Variants in ADD3 observed in about 807,000 individuals in gnomAD.
ADD3 encodes adducin 3, also known as gamma-adducin.
In ADD3, 25 loss-of-function variants were observed where a neutral mutation model predicts 80.2. The ratio of observed to expected loss-of-function variants is 0.31; its 90% CI spans 0.23 to 0.44. The LOEUF (loss-of-function observed/expected upper bound fraction) is 0.44, where lower values mean the gene tolerates loss of function less well. ADD3 is among the 20% of genes least tolerant of loss of function. ADD3 has a pLI of 1.00. For missense variants in ADD3, 829 were observed against 847.5 expected, an observed-to-expected ratio of 0.98 and a Z score of 0.27; for synonymous variants, 284 against 289.6, an observed-to-expected ratio of 0.98 and a Z score of 0.20.
At chr10:110,111,763 A>G (rs1266956415) in intron 2 of ADD3, among the ~76,000 whole-genome samples, 6 of 152,024 alleles carry the variant, frequency 3.9e-5, no homozygotes, top group Non-Finnish European at 8.8e-5. Flanking sequence ...TAAAAATACA[A>G]AATTAGCCGG....
At position 110,116,113 on chromosome 10, in the gene ADD3, TAATAA is replaced by T. The variant is rs1384880668; in HGVS notation, c.335-141_335-137del. On this transcript the variant is annotated intron_variant, in intron 3 of 14. Transcript: ENST00000356080. ...TTTACCTCTCTGAAGGAGAATAAGC[TAATAA>T]AATATTATATGGGCTGATAAATTTC... 4 of 706,448 alleles carry T rather than the reference TAATAA, an allele frequency of 5.7e-6. No homozygotes were observed. The Admixed American group carries it at 9.1e-5, about 16-fold the overall frequency. 43.8% of individuals were successfully genotyped at this position (706,448 alleles called of 1,614,324 possible). A position where few individuals can be genotyped will look rare whatever the true frequency, so the allele number is the denominator to read the frequency against.
At chr10:110,042,687 G>GT (rs35414440) in intron 1 of ADD3, among the ~76,000 whole-genome samples, 118,242 of 140,594 alleles carry the variant, frequency 0.84, 53,056 homozygotes, top group Non-Finnish European at 0.99. Context: ...GTCTGGTGCT[G>GT]TTTTTTTTTT....
At chr10:110,031,356 T>G (rs1420282418) in intron 1 of ADD3, among the ~76,000 whole-genome samples, 1 of 152,212 alleles carries the variant, frequency 6.6e-6, no homozygotes, top group Non-Finnish European at 1.5e-5. Context: ...CTAGGTACTT[T>G]AGGTAAAATC....
chr10:110,129,130 TTTTC>T (rs953301699), intron 12 of ADD3, among the ~76,000 whole-genome samples: 47 of 151,664 alleles, frequency 3.1e-4, no homozygotes, highest in East Asian at 7.8e-4. Flanking sequence ...CCTAGTTAGT[TTTTC>T]TTTCTTTCTT....
upstream of ADD3, among the ~76,000 whole-genome samples, chr10:110,007,235 G>C (rs536232852): frequency 4.0e-5 from 6 of 151,892 alleles, no homozygotes; most frequent in South Asian, 1.3e-3. Flanking sequence ...GAGCCAAAGC[G>C]GGAGTGAAGA....
chr10:110,079,590 C>T (rs951082546), intron 1 of ADD3, among the ~76,000 whole-genome samples: 2 of 151,434 alleles, frequency 1.3e-5, no homozygotes, highest in Non-Finnish European at 2.9e-5. Flanking sequence ...GAGTCTTACT[C>T]TGTCACCTAG....
At chr10:110,033,264 A>C (rs1279161675) in intron 1 of ADD3, among the ~76,000 whole-genome samples, 1 of 152,226 alleles carries the variant, frequency 6.6e-6, no homozygotes, top group Non-Finnish European at 1.5e-5. Flanking sequence ...TGCTATAACT[A>C]CCAGATGGCA....
chr10:110,119,619 G>T, intron 8 of ADD3, 55 bp downstream of exon 8: 2 of 1,475,240 alleles, frequency 1.4e-6, no homozygotes, highest in South Asian at 1.2e-5. Flanking sequence ...CGTTTAGTTG[G>T]ATTTTGTGTA....
Position 110,133,582 on chromosome 10 carries a change from G to A in ADD3, c.2085G>A (p.Leu695=), listed in dbSNP as rs1422699428. 6.3e-7 allele frequency: 1 copy of A among 1,589,556 alleles called. No homozygotes were observed. The highest frequency in any genetic ancestry group is 1.4e-5 in the African/African-American group (1 of 73,404). Residue 695 remains leucine (L), a synonymous_variant, in exon 15 of 15, where the codon CTG becomes CTA. Coordinates refer to ENST00000356080, the MANE Select transcript of ADD3 (RefSeq NM_016824.5). ...AGAAATTCCGCACTCCTTCTTTTCT[G>A]AAAAAGAACAAAAAAAAGGAGAAAG... The part of the protein sequence containing the change: ...KKKKFRTPSF[L]KKNKKKEKVE...
chr10:110,012,825 C>A (rs1852487439), intron 1 of ADD3, among the ~76,000 whole-genome samples: 1 of 151,858 alleles, frequency 6.6e-6, no homozygotes, highest in Non-Finnish European at 1.5e-5. Context: ...TCTCGAACTC[C>A]TGGGCTCAAG....
At chr10:110,112,189 C>T (rs560533994) in intron 2 of ADD3, 55 of 152,458 alleles carry the variant, frequency 3.6e-4, no homozygotes, top group Non-Finnish European at 6.3e-4. Flanking sequence ...GGCATGATCT[C>T]GGCTCACCAC....
At chr10:110,036,327 A>G (rs951270776) in intron 1 of ADD3, among the ~76,000 whole-genome samples, 20 of 151,418 alleles carry the variant, frequency 1.3e-4, no homozygotes, top group African/African-American at 4.6e-4. Context: ...TACCTTCTCC[A>G]AGTTATATTT....
chr10:110,115,080 T>TAAA (rs752916695), intron 3 of ADD3, among the ~76,000 whole-genome samples: 3 of 84,928 alleles, frequency 3.5e-5, no homozygotes, highest in African/African-American at 8.0e-5. Flanking sequence ...CCCCTGCCTC[T>TAAA]AAAAAAAAAA....
At chr10:110,058,067 T>C (rs1013088085) in intron 1 of ADD3, among the ~76,000 whole-genome samples, 1 of 152,064 alleles carries the variant, frequency 6.6e-6, no homozygotes, top group Admixed American at 6.5e-5. Context: ...TACCATGAAA[T>C]ATTTCTTTGA....
intron 2 of ADD3, among the ~76,000 whole-genome samples, chr10:110,107,658 A>G (rs1302145500): frequency 6.6e-6 from 1 of 152,124 alleles, no homozygotes; most frequent in African/African-American, 2.4e-5. Context: ...CTTACTAGCT[A>G]TGTGACATTA....
At chr10:110,006,884 GT>G (rs1051109149), upstream of ADD3, among the ~76,000 whole-genome samples, 1 of 152,102 alleles carries the variant, frequency 6.6e-6, no homozygotes, top group Non-Finnish European at 1.5e-5. Context: ...AACGAAGTTT[GT>G]TGTGTGTGTT....
chr10:110,026,097 T>A (rs752436500), intron 1 of ADD3, among the ~76,000 whole-genome samples: 2 of 152,174 alleles, frequency 1.3e-5, no homozygotes, highest in Non-Finnish European at 2.9e-5. Flanking sequence ...GGTAAATGTT[T>A]CTGACATGTT....
At chr10:109,999,776 C>G (rs1851449131) in intron 1 of ADD3, among the ~76,000 whole-genome samples, 1 of 152,040 alleles carries the variant, frequency 6.6e-6, no homozygotes. Context: ...ATTGATACGA[C>G]AGTTATTTAT....
intron 1 of ADD3, among the ~76,000 whole-genome samples, chr10:110,062,623 A>G (rs1005901393): frequency 6.6e-6 from 1 of 152,180 alleles, no homozygotes; most frequent in East Asian, 1.9e-4. Flanking sequence ...TATATATTTG[A>G]AAGTGTGAAA....
Sources: gnomAD v4.1 joint callset for allele counts (sites outside exome capture counted in the v4.1 genomes callset) on GRCh38, gnomAD v4.1.1 for gene constraint, MANE v1.5 for transcripts, NCBI Gene and HGNC (gene_info 2026-07-23, HGNC 2026-07-21) for gene names.